The following SRRT variants were observed in gnomAD, a reference collection of about 807,000 sequenced individuals.
SRRT encodes the protein serrate, RNA effector molecule.
In SRRT, 32 loss-of-function variants were observed where a neutral mutation model predicts 103.2. That is an observed-to-expected ratio of 0.31 (90% CI 0.23 to 0.42). The LOEUF (loss-of-function observed/expected upper bound fraction) is 0.42, where lower values mean the gene tolerates loss of function less well. Among genes scored for constraint, SRRT ranks in the 10% least tolerant of loss-of-function variants. The pLI, the probability that SRRT is intolerant of heterozygous loss-of-function variation, is 1.00. For missense variants in SRRT, 986 were observed against 1,207.5 expected, an observed-to-expected ratio of 0.82 and a Z score of 2.72; for synonymous variants, 525 against 449.0, an observed-to-expected ratio of 1.17 and a Z score of -2.14.
At position 100,885,419 on chromosome 7, in the gene SRRT, G is replaced by A. The variant is rs370909765; in HGVS notation, c.1317+49G>A. The A allele has an allele frequency of 1.2e-5, 19 of 1,578,338 alleles. No homozygotes were observed. In the African/African-American group the frequency reaches 2.4e-4, roughly 20 times the overall value. ...GGGCAGGGCTGATGGAGAAGTGGAGGGTAGAGGGAAGGCAGTGGGGCCCTG... is the reference window on the plus strand; with the variant it reads ...GGGCAGGGCTGATGGAGAAGTGGAGAGTAGAGGGAAGGCAGTGGGGCCCTG... On this transcript the variant is annotated intron_variant, in intron 10 of 19. Transcript: ENST00000611405. This position sits in a 1 kb window ranked among gnomAD's most constrained non-coding sequence, Gnocchi z 4.8.
intron 2 of SRRT, among the ~76,000 whole-genome samples, chr7:100,878,666 C>T (rs892257677): frequency 3.3e-5 from 5 of 150,892 alleles, no homozygotes; most frequent in African/African-American, 7.3e-5. Flanking sequence ...CTGAAAAGGC[C>T]TTTCCAACTC....
Position 100,882,125 on chromosome 7 carries a change from C to T in SRRT, c.471C>T (p.Leu157=), listed in dbSNP as rs143241109. The T allele has an allele frequency of 5.0e-3, 8,060 of 1,614,164 alleles. 29 individuals carry two copies. The highest frequency in any genetic ancestry group is 6.3e-3 in the Non-Finnish European group (7,456 of 1,180,012). ...PVMKTFKEFL[L]SLDDSVDETE... Reference sequence around the variant, plus strand: ...TGAAGACCTTCAAGGAGTTTCTCCTCTCCCTGGATGACTCGGTGGATGAGA... The same window carrying T: ...TGAAGACCTTCAAGGAGTTTCTCCTTTCCCTGGATGACTCGGTGGATGAGA... The change falls in exon 5 of 20, where the codon CTC becomes CTT. Residue 157 remains leucine (L), a synonymous_variant. Coordinates refer to ENST00000611405, the MANE Select transcript of SRRT (RefSeq NM_015908.6). The surrounding 1 kb of genome is among the most constrained non-coding windows in gnomAD (Gnocchi z 4.2).
Position 100,888,540 on chromosome 7 carries a change from T to C in SRRT, c.2622T>C (p.Asp874=). The C allele has an allele frequency of 6.2e-7, 1 of 1,614,190 alleles. No individual in the cohort carries two copies. Among genetic ancestry groups the C allele is most frequent in the Non-Finnish European group, 8.5e-7 (1 of 1,180,036 alleles). ...ACCTGGATGCCCCAGACGATGTTGA[T>C]TTCTTTTGAGCCGTCCCCCGTTCCT... ...YRDLDAPDDV[D]FF is the part of the protein sequence containing the mutation. The change falls in exon 20 of 20, where the codon GAT becomes GAC. Residue 874 remains aspartate, a synonymous_variant. Transcript: ENST00000611405.
chr7:100,881,460 C>T (rs1789547372), intron 3 of SRRT, 47 bp downstream of exon 3: 1 of 1,597,474 alleles, frequency 6.3e-7, no homozygotes, highest in Admixed American at 1.7e-5. Context: ...TCAGTTCCAC[C>T]TGGGCCTCCC....
In SRRT at chr7:100,884,899, T is replaced by G. The variant is rs767606952; in HGVS notation, c.1042-24T>G. The G allele has an allele frequency of 2.5e-6, 4 of 1,613,644 alleles. No homozygotes were observed. The African/African-American group carries it at 5.3e-5, about 22-fold the overall frequency. On this transcript the variant is annotated intron_variant, in intron 8 of 19. Transcript: ENST00000611405. ...GCTGGGGTTCTGGCACGCTGACTTG[T>G]CCCCTCTGCTGTGGCTCACACAGAG...
chr7:100,884,176 T>C lies in SRRT; in HGVS notation c.694T>C (p.Trp232Arg), dbSNP rs759504150. The change falls in exon 6 of 20, where the codon TGG (tryptophan) becomes CGG (arginine). Residue 232 changes from tryptophan to arginine, a missense_variant. Transcript: ENST00000611405. ...CTTCCTGTCCCTCATGGAGACTGGC[T>C]GGTTTGATAACCTTCTCCTGGACAT... ...RVFLSLMETG[W>R]FDNLLLDIDK... 26 of 1,614,020 alleles carry C rather than the reference T, an allele frequency of 1.6e-5. No individual in the cohort carries two copies. The Admixed American group carries it at 3.3e-4, about 21-fold the overall frequency.
At chr7:100,877,344 C>A (rs1160458780) in intron 2 of SRRT, among the ~76,000 whole-genome samples, 2 of 142,294 alleles carry the variant, frequency 1.4e-5, no homozygotes, top group Non-Finnish European at 3.0e-5. Context: ...TTGCTTGAAC[C>A]CAGGAGGCAC....
rs763180684 is a variant in SRRT at position 100,881,803 on chromosome 7, C to T, written c.396C>T (p.Ala132=). The change falls in exon 4 of 20, where the codon GCC becomes GCT. Residue 132 remains alanine, a splice_region_variant and synonymous_variant. Coordinates refer to ENST00000611405, the MANE Select transcript of SRRT (RefSeq NM_015908.6). ...AGCACCATGTCCTGCCTATCCAGGC[C>T]AGGTAAGGGTGGGGCTTCTCAGAAG... The part of the protein sequence containing the change: ...IMQHHVLPIQ[A]RLGSIAEIDL... 3.7e-5 allele frequency: 60 copies of T among 1,604,242 alleles called. No homozygotes were observed. The highest frequency in any genetic ancestry group is 4.9e-5 in the Non-Finnish European group (58 of 1,176,312).
chr7:100,887,663 C>G lies in SRRT; in HGVS notation c.2170-40C>G, dbSNP rs765880552. 5 of 1,591,950 alleles carry G rather than the reference C, an allele frequency of 3.1e-6. No homozygotes were observed. In the East Asian group the frequency reaches 9.0e-5, roughly 29 times the overall value. ...GCTCGGGCCTGGGAGCGAGGCAACC[C>G]TTATGTGGCTGTCCTGACCCCTCTC... On this transcript the variant is annotated intron_variant, in intron 16 of 19. Coordinates refer to ENST00000611405, the MANE Select transcript of SRRT (RefSeq NM_015908.6). This position sits in a 1 kb window ranked among gnomAD's most constrained non-coding sequence, Gnocchi z 4.1.
chr7:100,886,053 C>G (rs1445560901), intron 12 of SRRT, 112 bp downstream of exon 12: 1 of 1,390,558 alleles, frequency 7.2e-7, no homozygotes, highest in Non-Finnish European at 1.0e-6. Flanking sequence ...CACTCTTTGA[C>G]CGTTTTGTCT....
chr7:100,876,663 A>G lies in SRRT; in HGVS notation c.122+951A>G, dbSNP rs117737876. On this transcript the variant is annotated intron_variant, in intron 2 of 19. Transcript: ENST00000611405. The stretch of plus-strand genomic sequence containing the variant: ...GGCGGTGCTGATTGGATTGATTATA[A>G]GATGTGGTTATTGACCTTAGGGTGT... Among the ~76,000 whole-genome samples, 548 of 152,318 alleles carry G rather than the reference A, an allele frequency of 3.6e-3. 2 individuals are homozygous for G. The highest frequency in any genetic ancestry group is 0.022 in the South Asian group (105 of 4,832).
At chr7:100,878,876 T>TTC (rs1415511930) in intron 2 of SRRT, among the ~76,000 whole-genome samples, 2 of 151,792 alleles carry the variant, frequency 1.3e-5, no homozygotes, top group African/African-American at 2.4e-5. Flanking sequence ...TAACCTACTT[T>TTC]CTTCCTTCCT....
chr7:100,887,622 G>A lies in SRRT; in HGVS notation c.2170-81G>A. On this transcript the variant is annotated intron_variant, in intron 16 of 19. Transcript: ENST00000611405. This position sits in a 1 kb window ranked among gnomAD's most constrained non-coding sequence, Gnocchi z 4.1. ...CTGCTTACTGCACTGGCAGGCGGGA[G>A]CTGGGAATCCTTCCAGCTCGGGCCT... The A allele has an allele frequency of 6.3e-7, 1 of 1,575,980 alleles. No individual in the cohort carries two copies. The highest frequency in any genetic ancestry group is 8.6e-7 in the Non-Finnish European group (1 of 1,156,798).
At position 100,887,040 on chromosome 7, in the gene SRRT, C is replaced by T. The variant is rs748956222; in HGVS notation, c.1822-7C>T. 1.2e-6 allele frequency: 2 copies of T among 1,613,892 alleles called. No individual in the cohort carries two copies. Among genetic ancestry groups the T allele is most frequent in the Non-Finnish European group, 8.5e-7 (1 of 1,179,896 alleles). On this transcript the variant is annotated splice_polypyrimidine_tract_variant and splice_region_variant and intron_variant, in intron 14 of 19. Transcript: ENST00000611405. This position sits in a 1 kb window ranked among gnomAD's most constrained non-coding sequence, Gnocchi z 4.1. ...AGGAGCTGAACGCTCGCATTCACTT[C>T]CCTTAGGTCTTGGACAAGCTCCTCC...
chr7:100,887,242 T>G lies in SRRT; in HGVS notation c.1975+42T>G. On this transcript the variant is annotated intron_variant, in intron 15 of 19. Transcript: ENST00000611405. The surrounding 1 kb of genome is among the most constrained non-coding windows in gnomAD (Gnocchi z 4.1). ...CCTTTGTTCCCGGCTGCCCCTGGCC[T>G]TGGTCCTCCAGCCCCTTGCCACCAT... The G allele has an allele frequency of 6.2e-7, 1 of 1,612,902 alleles. No individual in the cohort carries two copies. The highest frequency in any genetic ancestry group is 1.1e-5 in the South Asian group (1 of 91,018).
intron 13 of SRRT, 104 bp downstream of exon 13, chr7:100,886,539 C>A (rs1478273481): frequency 2.4e-6 from 3 of 1,238,462 alleles, no homozygotes; most frequent in East Asian, 5.1e-5. Flanking sequence ...TGCACCCACT[C>A]GCCTGCTCAC....
Position 100,886,962 on chromosome 7 carries a change from G to A in SRRT, c.1815G>A (p.Leu605=), listed in dbSNP as rs754074241. 48 of 1,610,376 alleles carry A rather than the reference G, an allele frequency of 3.0e-5. No individual in the cohort carries two copies. Among genetic ancestry groups the A allele is most frequent in the Non-Finnish European group, 3.6e-5 (42 of 1,177,416 alleles). The change falls in exon 14 of 20, where the codon TTG becomes TTA. Residue 605 remains leucine (L), a synonymous_variant. Transcript: ENST00000611405. The part of the protein sequence containing the change: ...AEINVERDEK[L]IKVLDKLLLY... ...TCAACGTGGAGCGGGATGAGAAGTT[G>A]ATTAAGGTGCCAGTGGCAGCGCGGG...
rs768986033 is a variant in SRRT at position 100,881,678 on chromosome 7, C to G, written c.271C>G (p.Pro91Ala). The part of the protein sequence containing the change: ...RRDWDEHSSD[P>A]YHSGYEMPYA... ...CTTCAGGGATGAGCACAGCTCTGACCCATACCACAGTGGCTATGAGATGCC... is the reference window on the plus strand; with the variant it reads ...CTTCAGGGATGAGCACAGCTCTGACGCATACCACAGTGGCTATGAGATGCC... Residue 91 changes from proline (P) to alanine (A), a missense_variant, in exon 4 of 20, where the codon CCA (proline) becomes GCA (alanine). Physicochemically the swap from Pro to Ala is conservative, Grantham distance 27. This residue lies in a region of SRRT where 274 missense variants were observed against 358.5 expected (regional missense o/e 0.76). Transcript: ENST00000611405. The G allele has an allele frequency of 2.2e-5, 35 of 1,613,944 alleles. No homozygotes were observed. Among genetic ancestry groups the G allele is most frequent in the Non-Finnish European group, 2.7e-5 (32 of 1,180,018 alleles).
chr7:100,876,108 C>T (rs4729617), intron 2 of SRRT, among the ~76,000 whole-genome samples: 78,832 of 152,104 alleles, frequency 0.52, 21,066 homozygotes, highest in East Asian at 0.8. Flanking sequence ...TCTTGAGAAG[C>T]TGGGACTCCA....
Sources: gnomAD v4.1 joint callset for allele counts (sites outside exome capture counted in the v4.1 genomes callset) on GRCh38, gnomAD v4.1.1 for gene constraint, gnomAD v4.1.1 regional missense constraint, Gnocchi (gnomAD v3.1) non-coding constraint, MANE v1.5 for transcripts, NCBI Gene and HGNC (gene_info 2026-07-23, HGNC 2026-07-21) for gene names.